SH3GL1: variants seen among roughly 807,000 people sequenced by gnomAD.
SH3GL1 encodes SH3 domain containing GRB2 like 1, endophilin A2.
Under a neutral mutation model 48.8 loss-of-function variants are expected in SH3GL1, and 21 were observed. The observed-to-expected ratio is 0.43, with a 90% confidence interval of 0.30 to 0.62. The LOEUF (loss-of-function observed/expected upper bound fraction) is 0.62. Ranked by LOEUF, SH3GL1 falls within the 20% of genes least tolerant of loss-of-function variation. The pLI is 0.11. For missense variants in SH3GL1, 454 were observed against 503.0 expected, an observed-to-expected ratio of 0.90 and a Z score of 0.93; for synonymous variants, 282 against 217.5, an observed-to-expected ratio of 1.30 and a Z score of -2.61.
Position 4,367,090 on chromosome 19 carries a change from C to T in SH3GL1, c.46-96G>A. 2 of 1,111,670 alleles carry T rather than the reference C, an allele frequency of 1.8e-6. No individual in the cohort carries two copies. The highest frequency in any genetic ancestry group is 2.8e-6 in the Non-Finnish European group (2 of 724,944). 68.9% of individuals were successfully genotyped at this position (1,111,670 alleles called of 1,614,324 possible). ...CCGCCTTCCAGCCACATCGCATCCA[C>T]AGCTGGAGGCAGGAGGCCAAGTGAT... On this transcript the variant is annotated intron_variant, in intron 1 of 9. Transcript: ENST00000269886. This position sits in a 1 kb window ranked among gnomAD's most constrained non-coding sequence, Gnocchi z 4.2.
At chr19:4,364,866 T>TTTTGTGTGTGTGTGTGTG (rs1972729538) in intron 4 of SH3GL1, among the ~76,000 whole-genome samples, 2 of 97,168 alleles carry the variant, frequency 2.1e-5, no homozygotes, top group African/African-American at 5.3e-5. Flanking sequence ...ACCCGGCTAA[T>TTTTGTGTGTGTGTGTGTG]TGTGTGTGTG....
intron 1 of SH3GL1, among the ~76,000 whole-genome samples, chr19:4,372,898 C>T (rs1370456471): frequency 3.3e-5 from 5 of 152,196 alleles, no homozygotes; most frequent in Non-Finnish European, 7.3e-5. Context: ...ACTCTCCAGA[C>T]CTGAGGCCCT....
At position 4,365,337 on chromosome 19, in the gene SH3GL1, T is replaced by G. The variant is rs145973024; in HGVS notation, c.331+145A>C. Reference sequence around the variant, plus strand: ...GTGCTGGATGGGTTGGTCTGTGCAGTCTCCTGCACCTCTGCAGCTGGAAAG... The same window carrying G: ...GTGCTGGATGGGTTGGTCTGTGCAGGCTCCTGCACCTCTGCAGCTGGAAAG... On this transcript the variant is annotated intron_variant, in intron 4 of 9. Transcript: ENST00000269886. 4.6e-3 allele frequency: 5,035 copies of G among 1,102,388 alleles called. 17 individuals carry two copies. The highest frequency in any genetic ancestry group is 5.9e-3 in the Non-Finnish European group (4,343 of 739,860). The allele number at this position is 1,102,388 out of a possible 1,614,324, so 68.3% of individuals were successfully genotyped here.
chr19:4,390,186 G>C (rs543820533), intron 1 of SH3GL1: 2 of 152,402 alleles, frequency 1.3e-5, no homozygotes, highest in Admixed American at 1.3e-4. Context: ...CCGTGACCCT[G>C]CTCTCAGGGC....
In SH3GL1 at chr19:4,365,040, C is replaced by A. The variant is rs187808129; in HGVS notation, c.331+442G>T. Among the ~76,000 whole-genome samples, 1,016 of 152,058 alleles carry A rather than the reference C, an allele frequency of 6.7e-3. 7 individuals carry two copies. The highest frequency in any genetic ancestry group is 0.017 in the Middle Eastern group (5 of 294). On this transcript the variant is annotated intron_variant, in intron 4 of 9. Coordinates refer to ENST00000269886, the MANE Select transcript of SH3GL1 (RefSeq NM_003025.4). ...AAAGTGTTGGGATTACAGGCATGAG[C>A]CACCACACTTGGCCCCATCCCAACT...
Position 4,389,554 on chromosome 19 carries a change from G to A in SH3GL1, c.45+10770C>T, listed in dbSNP as rs1353866943. Among the ~76,000 whole-genome samples the A allele has an allele frequency of 4.6e-5, 7 of 152,122 alleles. No individual in the cohort carries two copies. Among genetic ancestry groups the A allele is most frequent in the African/African-American group, 1.7e-4 (7 of 41,422 alleles). The stretch of plus-strand genomic sequence containing the variant: ...CATTTAAACCTGGGACCAAGGCAGG[G>A]GCTCCAGAAGCTCCCGAAATTCGGC... On this transcript the variant is annotated intron_variant, in intron 1 of 9. Coordinates refer to ENST00000269886, the MANE Select transcript of SH3GL1 (RefSeq NM_003025.4). The surrounding 1 kb of genome is among the most constrained non-coding windows in gnomAD (Gnocchi z 4.5).
At chr19:4,377,966 C>G (rs952884235) in intron 1 of SH3GL1, among the ~76,000 whole-genome samples, 1 of 152,204 alleles carries the variant, frequency 6.6e-6, no homozygotes, top group Non-Finnish European at 1.5e-5. Context: ...CCCTTCTGCC[C>G]CGCTGTGGCT....
chr19:4,400,473 C>G lies in SH3GL1; in HGVS notation c.-105G>C. On this transcript the variant is annotated 5_prime_UTR_variant, in exon 1 of 10. Transcript: ENST00000269886. The surrounding 1 kb of genome is among the most constrained non-coding windows in gnomAD (Gnocchi z 4.1). Reference sequence around the variant, plus strand: ...CAGCAGTCCCCGTCGGCGCCGCCTCCGCCACCCGCTTGCCAGCTCCGCGCC... The same window carrying G: ...CAGCAGTCCCCGTCGGCGCCGCCTCGGCCACCCGCTTGCCAGCTCCGCGCC... 7 of 1,045,870 alleles carry G rather than the reference C, an allele frequency of 6.7e-6. No homozygotes were observed. In the South Asian group the frequency reaches 1.7e-4, roughly 25 times the overall value. 64.8% of individuals were successfully genotyped at this position (1,045,870 alleles called of 1,614,324 possible). A position where few individuals can be genotyped will look rare whatever the true frequency, so the allele number is the denominator to read the frequency against.
Position 4,360,450 on chromosome 19 carries a change from T to C in SH3GL1, c.*1150A>G, listed in dbSNP as rs1043797721. 2.1e-5 allele frequency: 5 copies of C among 236,692 alleles called. No homozygotes were observed. The highest frequency in any genetic ancestry group is 4.2e-5 in the Non-Finnish European group (5 of 120,328). 14.7% of individuals were successfully genotyped at this position (236,692 alleles called of 1,614,324 possible). A position where few individuals can be genotyped will look rare whatever the true frequency, so the allele number is the denominator to read the frequency against. Reference sequence around the variant, plus strand: ...TTGCCCTGGACCGTGCCCAAAGCTGTGTGCTCATCTCTGCGCCCCTCATGT... The same window carrying C: ...TTGCCCTGGACCGTGCCCAAAGCTGCGTGCTCATCTCTGCGCCCCTCATGT... On this transcript the variant is annotated 3_prime_UTR_variant, in exon 10 of 10. Coordinates refer to ENST00000269886, the MANE Select transcript of SH3GL1 (RefSeq NM_003025.4).
At chr19:4,385,100 C>CAAA (rs774287504) in intron 1 of SH3GL1, among the ~76,000 whole-genome samples, 17 of 109,876 alleles carry the variant, frequency 1.5e-4, no homozygotes, top group Admixed American at 2.1e-4. Flanking sequence ...GACTCCATCT[C>CAAA]AAAAAAAAAA....
At chr19:4,381,576 C>T (rs1186602625) in intron 1 of SH3GL1, among the ~76,000 whole-genome samples, 1 of 107,278 alleles carries the variant, frequency 9.3e-6, no homozygotes, top group Non-Finnish European at 2.0e-5. Flanking sequence ...TCTGTTCCCC[C>T]TGCCTCTCTC....
Position 4,400,305 on chromosome 19 carries a change from C to A in SH3GL1, c.45+19G>T, listed in dbSNP as rs766637154. The A allele has an allele frequency of 6.6e-5, 106 of 1,595,592 alleles. No individual in the cohort carries two copies. The highest frequency in any genetic ancestry group is 3.1e-5 in the Non-Finnish European group (36 of 1,174,396). ...AGCCCGGGGCCCGGTACTCGGCTCC[C>A]GCCTGGGCCTGCGCTCACCTGGCTC... is the stretch of plus-strand genomic sequence containing the variant. On this transcript the variant is annotated intron_variant, in intron 1 of 9. Transcript: ENST00000269886. This position sits in a 1 kb window ranked among gnomAD's most constrained non-coding sequence, Gnocchi z 4.1.
rs763039641 is a variant in SH3GL1 at position 4,362,687 on chromosome 19, G to A, written c.778C>T (p.Arg260Trp). 2.9e-5 allele frequency: 47 copies of A among 1,613,878 alleles called. No homozygotes were observed. The highest frequency in any genetic ancestry group is 2.7e-4 in the East Asian group (12 of 44,886). Residue 260 changes from arginine (R) to tryptophan (W), a missense_variant, in exon 8 of 10, where the codon CGG becomes TGG. Arg to Trp is a moderately radical substitution (Grantham distance 101). This residue lies in a region of SH3GL1 where 278 missense variants were observed against 246.8 expected (regional missense o/e 1.13). Transcript: ENST00000269886. ...GGCTCTCCAAGGTCAAAGGGCTCCC[G>A]GGGCTTGGGCTTATACTCCCGCTTA... ...RPKREYKPKP[R>W]EPFDLGEPEQ...
At chr19:4,371,887 A>G (rs1972909033) in intron 1 of SH3GL1, among the ~76,000 whole-genome samples, 1 of 152,222 alleles carries the variant, frequency 6.6e-6, no homozygotes, top group African/African-American at 2.4e-5. Flanking sequence ...CACAGACCAC[A>G]GGGGCCTCGC....
intron 1 of SH3GL1, among the ~76,000 whole-genome samples, chr19:4,396,467 CTT>C (rs1023959981): frequency 6.6e-6 from 1 of 151,884 alleles, no homozygotes; most frequent in Non-Finnish European, 1.5e-5. Context: ...CTAGGAAAAT[CTT>C]TGTTTTATTT....
chr19:4,368,508 G>A (rs183230713), intron 1 of SH3GL1, among the ~76,000 whole-genome samples: 1 of 152,344 alleles, frequency 6.6e-6, no homozygotes, highest in Non-Finnish European at 1.5e-5. Context: ...TACACGGCTG[G>A]TCTTGTGTCC....
At position 4,360,738 on chromosome 19, in the gene SH3GL1, T is replaced by C. The variant is rs1254423396; in HGVS notation, c.*862A>G. On this transcript the variant is annotated 3_prime_UTR_variant, in exon 10 of 10. Coordinates refer to ENST00000269886, the MANE Select transcript of SH3GL1 (RefSeq NM_003025.4). Reference sequence around the variant, plus strand: ...GGCCACCAGGGGCTGGGACATGCGCTCACTGGAACCTTTGTGCTTGGCCCT... The same window carrying C: ...GGCCACCAGGGGCTGGGACATGCGCCCACTGGAACCTTTGTGCTTGGCCCT... 4.3e-6 allele frequency: 1 copy of C among 233,386 alleles called. No homozygotes were observed. The highest frequency in any genetic ancestry group is 8.5e-6 in the Non-Finnish European group (1 of 118,230). The allele number at this position is 233,386 out of a possible 1,614,324, so 14.5% of individuals were successfully genotyped here. A position where few individuals can be genotyped will look rare whatever the true frequency, so the allele number is the denominator to read the frequency against.
In SH3GL1 at chr19:4,400,107, A is replaced by G. The variant is rs903044532; in HGVS notation, c.45+217T>C. 3.3e-5 allele frequency among the ~76,000 whole-genome samples: 5 copies of G among 151,936 alleles called. No individual in the cohort carries two copies. Among genetic ancestry groups the G allele is most frequent in the African/African-American group, 1.2e-4 (5 of 41,374 alleles). ...CCCAGGGTGCCTCTCCCCTCCTCCC[A>G]GGGGCTCTGTCCCCGCTTCTGGAGC... On this transcript the variant is annotated intron_variant, in intron 1 of 9. Transcript: ENST00000269886. This position sits in a 1 kb window ranked among gnomAD's most constrained non-coding sequence, Gnocchi z 4.1.
intron 3 of SH3GL1, among the ~76,000 whole-genome samples, chr19:4,366,017 C>T (rs1011583333): frequency 4.6e-5 from 7 of 152,166 alleles, no homozygotes; most frequent in Admixed American, 4.6e-4. Flanking sequence ...TGGGTCTGCT[C>T]CTGGCAGGGC....
Sources: allele counts gnomAD v4.1 joint callset (sites outside exome capture counted in the v4.1 genomes callset), GRCh38; gene constraint gnomAD v4.1.1; regional missense constraint gnomAD v4.1.1; non-coding constraint Gnocchi (gnomAD v3.1); transcripts MANE v1.5; gene names NCBI Gene and HGNC (gene_info 2026-07-23, HGNC 2026-07-21).